The following TRAPPC8 variants were observed in gnomAD, a reference collection of about 807,000 sequenced individuals.
The protein encoded by TRAPPC8 is general sporulation gene 1 homolog.
A neutral mutation model predicts 174.3 loss-of-function variants in TRAPPC8; 54 were observed. The observed-to-expected ratio is 0.31, with a 90% CI of 0.25 to 0.39. The LOEUF (loss-of-function observed/expected upper bound fraction) is 0.39. TRAPPC8 is among the 10% of genes least tolerant of loss of function. The probability of loss-of-function intolerance (pLI) is 1.00; values close to 1 mark genes in which losing one functional copy is unlikely to be tolerated. For missense variants in TRAPPC8, 1,531 were observed against 1,699.1 expected (o/e 0.90, Z 1.74); for synonymous variants, 630 against 579.9 (o/e 1.09, Z -1.24).
chr18:31,901,069 G>T, intron 9 of TRAPPC8, 44 bp from the exon 10 acceptor site: 1 of 1,509,648 alleles, frequency 6.6e-7, no homozygotes, highest in Non-Finnish European at 8.9e-7. Flanking sequence ...AGAAGAAACA[G>T]TCTTACAGTT....
chr18:31,870,995 A>T lies in TRAPPC8; in HGVS notation c.2188T>A (p.Phe730Ile), dbSNP rs200988452. ...VVNKGVIPSN[F>I]HPTQYCLNSY... ...TTCAAACAGTATTGTGTGGGATGAA[A>T]ATTGGATGGAATTACTCCTTTGTTA... The change falls in exon 15 of 29, where the codon TTT becomes ATT. Residue 730 changes from phenylalanine to isoleucine, a missense_variant. Coordinates refer to ENST00000283351, the MANE Select transcript of TRAPPC8 (RefSeq NM_014939.5). 22 of 1,610,966 alleles carry T rather than the reference A, an allele frequency of 1.4e-5. No homozygotes were observed. In the African/African-American group the frequency reaches 2.5e-4, roughly 19 times the overall value.
intron 12 of TRAPPC8, among the ~76,000 whole-genome samples, chr18:31,877,688 C>A (rs2035228339): frequency 6.7e-6 from 1 of 149,972 alleles, no homozygotes; most frequent in Non-Finnish European, 1.5e-5. Context: ...CTTTGGGAGG[C>A]CAAGGCGGGT....
chr18:31,889,225 G>C (rs1473071477), intron 12 of TRAPPC8, among the ~76,000 whole-genome samples: 1 of 152,140 alleles, frequency 6.6e-6, no homozygotes, highest in Non-Finnish European at 1.5e-5. Flanking sequence ...AGTAAGAGGT[G>C]ATTACGAAGC....
intron 1 of TRAPPC8, among the ~76,000 whole-genome samples, chr18:31,934,674 C>A (rs945872591): frequency 6.6e-6 from 1 of 152,034 alleles, no homozygotes; most frequent in Admixed American, 6.6e-5. Flanking sequence ...TCAAGACCAG[C>A]CTGGCCAACG....
intron 2 of TRAPPC8, among the ~76,000 whole-genome samples, chr18:31,922,431 A>C (rs911243381): frequency 1.2e-4 from 18 of 151,492 alleles, no homozygotes; most frequent in African/African-American, 4.4e-4. Flanking sequence ...GTCTCTACAA[A>C]AAGTACAAAA....
At chr18:31,888,966 C>A (rs1568096335) in intron 12 of TRAPPC8, among the ~76,000 whole-genome samples, 1 of 151,976 alleles carries the variant, frequency 6.6e-6, no homozygotes, top group South Asian at 2.1e-4. Flanking sequence ...AACAACTAGG[C>A]CTCAAGTCAG....
In TRAPPC8 at chr18:31,830,996, G is replaced by C; in HGVS notation, c.4074-7C>G. On this transcript the variant is annotated splice_region_variant and splice_polypyrimidine_tract_variant and intron_variant, in intron 28 of 28. Coordinates refer to ENST00000283351, the MANE Select transcript of TRAPPC8 (RefSeq NM_014939.5). ...GATTTCCAGTGCTTCTGGACTAAGGGAGGAGGAAAATGTAAGTTGCAGGAT... is the reference window on the plus strand; with the variant it reads ...GATTTCCAGTGCTTCTGGACTAAGGCAGGAGGAAAATGTAAGTTGCAGGAT... 6.3e-7 allele frequency: 1 copy of C among 1,588,826 alleles called. No homozygotes were observed. Among genetic ancestry groups the C allele is most frequent in the Non-Finnish European group, 8.6e-7 (1 of 1,166,176 alleles).
chr18:31,929,353 C>T (rs1236088898), intron 2 of TRAPPC8, among the ~76,000 whole-genome samples: 1 of 151,934 alleles, frequency 6.6e-6, no homozygotes, highest in African/African-American at 2.4e-5. Flanking sequence ...TAGTGAGACC[C>T]TGTCTCTACA....
At chr18:31,890,907 G>C (rs200734514) in intron 11 of TRAPPC8, 41 bp from the exon 12 acceptor site, 1 of 1,553,098 alleles carries the variant, frequency 6.4e-7, no homozygotes, top group Non-Finnish European at 8.7e-7. Flanking sequence ...GTTTCACCAA[G>C]TTAAAAGTAA....
At chr18:31,855,442 C>T (rs563512934) in intron 21 of TRAPPC8, among the ~76,000 whole-genome samples, 83 of 152,042 alleles carry the variant, frequency 5.5e-4, no homozygotes, top group Non-Finnish European at 1.1e-3. Flanking sequence ...TCAGTGTGTA[C>T]CATATTAATA....
At chr18:31,891,951 C>G (rs535122466) in intron 11 of TRAPPC8, among the ~76,000 whole-genome samples, 1 of 152,094 alleles carries the variant, frequency 6.6e-6, no homozygotes, top group Non-Finnish European at 1.5e-5. Context: ...CTGACAAAAA[C>G]TAAATGATTA....
chr18:31,918,161 GTA>G (rs896393840), intron 2 of TRAPPC8, among the ~76,000 whole-genome samples: 2 of 151,814 alleles, frequency 1.3e-5, no homozygotes, highest in Admixed American at 6.6e-5. Flanking sequence ...GAGTATATAT[GTA>G]CACACACCTT....
At chr18:31,915,336 C>T (rs925595100) in intron 4 of TRAPPC8, among the ~76,000 whole-genome samples, 1 of 151,872 alleles carries the variant, frequency 6.6e-6, no homozygotes, top group African/African-American at 2.4e-5. Context: ...TGTCATGTGC[C>T]TGTAATCCCA....
At chr18:31,934,659 G>C (rs990063768) in intron 1 of TRAPPC8, among the ~76,000 whole-genome samples, 24 of 152,120 alleles carry the variant, frequency 1.6e-4, no homozygotes, top group African/African-American at 5.8e-4. Context: ...CCAGAGGTCA[G>C]GAGTTCAAGA....
At chr18:31,880,081 G>GAAAAAAAAAAA (rs749972515) in intron 12 of TRAPPC8, among the ~76,000 whole-genome samples, 3 of 52,734 alleles carry the variant, frequency 5.7e-5, no homozygotes, top group African/African-American at 9.4e-5. Flanking sequence ...TGAAACTATT[G>GAAAAAAAAAAA]AAAAAAAAAA....
rs532682546 is a variant in TRAPPC8 at position 31,942,705 on chromosome 18, G to T, written c.60C>A (p.Val20=). The change falls in exon 1 of 29, where the codon GTC becomes GTA. Residue 20 remains valine (V), a synonymous_variant. Coordinates refer to ENST00000283351, the MANE Select transcript of TRAPPC8 (RefSeq NM_014939.5). ...CGGCTTCGTCGCTGCACAGCGCAGC[G>T]ACACAGGGGACGAAGGAGTCCGGGA... is the stretch of plus-strand genomic sequence containing the variant. ...ELIPDSFVPC[V]AALCSDEAER... 6.2e-7 allele frequency: 1 copy of T among 1,607,136 alleles called. No individual in the cohort carries two copies. The highest frequency in any genetic ancestry group is 8.5e-7 in the Non-Finnish European group (1 of 1,177,100).
chr18:31,918,082 C>T (rs2037226685), intron 2 of TRAPPC8, among the ~76,000 whole-genome samples: 1 of 152,084 alleles, frequency 6.6e-6, no homozygotes, highest in Non-Finnish European at 1.5e-5. Flanking sequence ...GCTGAAATCA[C>T]ACCACTGCAC....
intron 2 of TRAPPC8, among the ~76,000 whole-genome samples, chr18:31,926,134 T>C (rs1215265141): frequency 6.6e-6 from 1 of 152,202 alleles, no homozygotes; most frequent in Admixed American, 6.5e-5. Flanking sequence ...ATATTCTCTG[T>C]GTTTTACAGC....
chr18:31,940,331 C>T lies in TRAPPC8; in HGVS notation c.157+2277G>A, dbSNP rs184072302. Among the ~76,000 whole-genome samples, 188 of 151,392 alleles carry T rather than the reference C, an allele frequency of 1.2e-3. 1 individual carries two copies. Among genetic ancestry groups the T allele is most frequent in the African/African-American group, 4.4e-3 (184 of 41,350 alleles). On this transcript the variant is annotated intron_variant, in intron 1 of 28. Transcript: ENST00000283351. ...CTCTACTAAAAATACAAAAATAAGC[C>T]GTGAGCGCCTGTAATCCCAGCTACT...
Sources: gnomAD v4.1 joint callset for allele counts (sites outside exome capture counted in the v4.1 genomes callset) on GRCh38, gnomAD v4.1.1 for gene constraint, MANE v1.5 for transcripts, NCBI Gene and HGNC (gene_info 2026-07-23, HGNC 2026-07-21) for gene names.